Variants in CACNA1I observed in about 807,000 individuals in gnomAD.
CACNA1I encodes the protein voltage-dependent T-type calcium channel subunit alpha-1I.
Under a neutral mutation model 201.6 loss-of-function variants are expected in CACNA1I, and 74 were observed. That is an observed-to-expected ratio of 0.37 (90% CI 0.30 to 0.45). The LOEUF is 0.45. CACNA1I is among the 20% of genes least tolerant of loss of function. The probability of loss-of-function intolerance (pLI) is 1.00; values close to 1 mark genes in which losing one functional copy is unlikely to be tolerated. For missense variants in CACNA1I, 2,346 were observed against 3,138.1 expected, an observed-to-expected ratio of 0.75 and a Z score of 6.03; for synonymous variants, 1,431 against 1,345.2, an observed-to-expected ratio of 1.06 and a Z score of -1.40.
At chr22:39,574,056 T>C (rs1324982750) in intron 1 of CACNA1I, among the ~76,000 whole-genome samples, 1 of 152,170 alleles carries the variant, frequency 6.6e-6, no homozygotes, top group Non-Finnish European at 1.5e-5. Flanking sequence ...ATACGGACTC[T>C]CTTCAGGCCA....
intron 9 of CACNA1I, 26 bp downstream of exon 9, chr22:39,647,952 C>A (rs1255887318): frequency 3.1e-6 from 5 of 1,599,640 alleles, no homozygotes; most frequent in Non-Finnish European, 3.4e-6. Flanking sequence ...GGGAGGTGGG[C>A]CCTGCCCCCA....
At chr22:39,593,424 C>G (rs897944670) in intron 1 of CACNA1I, among the ~76,000 whole-genome samples, 1 of 152,148 alleles carries the variant, frequency 6.6e-6, no homozygotes, top group African/African-American at 2.4e-5. Context: ...GGCTGAGCCA[C>G]CACCTTGTGA....
At chr22:39,633,309 T>C (rs1396494646) in intron 4 of CACNA1I, among the ~76,000 whole-genome samples, 1 of 152,092 alleles carries the variant, frequency 6.6e-6, no homozygotes, top group Non-Finnish European at 1.5e-5. Flanking sequence ...TATAGCCTAG[T>C]GGAAGAGATA....
At chr22:39,605,996 G>A (rs971232145) in intron 3 of CACNA1I, among the ~76,000 whole-genome samples, 8 of 152,102 alleles carry the variant, frequency 5.3e-5, no homozygotes, top group African/African-American at 9.7e-5. Flanking sequence ...ACTCATAGCC[G>A]TCCTTCAGAA....
chr22:39,608,108 T>G lies in CACNA1I; in HGVS notation c.482+7455T>G, dbSNP rs1358756180. 3.6e-5 allele frequency among the ~76,000 whole-genome samples: 3 copies of G among 83,782 alleles called. No individual in the cohort carries two copies. In the East Asian group the frequency reaches 1.0e-3, roughly 28 times the overall value. 55.0% of individuals were successfully genotyped at this position (83,782 alleles called of 152,430 possible). On this transcript the variant is annotated intron_variant, in intron 3 of 36. Transcript: ENST00000402142. ...CCAGCCTGGGCAATGAGAGTGAAACTCCATCTCCAAAAAAAAAAAAAAAAA... is the reference window on the plus strand; with the variant it reads ...CCAGCCTGGGCAATGAGAGTGAAACGCCATCTCCAAAAAAAAAAAAAAAAA...
intron 27 of CACNA1I, 131 bp from the exon 28 acceptor site, chr22:39,672,818 A>T: frequency 1.1e-6 from 1 of 920,334 alleles, no homozygotes; most frequent in Non-Finnish European, 1.6e-6. Flanking sequence ...CTAGTAAGGG[A>T]GGGCAGCCAC....
At chr22:39,622,582 T>C (rs977877925) in intron 4 of CACNA1I, among the ~76,000 whole-genome samples, 1 of 64,110 alleles carries the variant, frequency 1.6e-5, no homozygotes, top group African/African-American at 6.2e-5. Flanking sequence ...GAAACACCCC[T>C]GGCCAGAGTG....
At chr22:39,627,608 G>A (rs777631337) in intron 4 of CACNA1I, among the ~76,000 whole-genome samples, 3 of 152,274 alleles carry the variant, frequency 2.0e-5, no homozygotes, top group Admixed American at 6.5e-5. Flanking sequence ...TTCCTTCTTG[G>A]AAGGGCCTTG....
At chr22:39,589,622 G>A (rs1475756623) in intron 1 of CACNA1I, among the ~76,000 whole-genome samples, 1 of 152,234 alleles carries the variant, frequency 6.6e-6, no homozygotes, top group African/African-American at 2.4e-5. Context: ...AGCACCCTGA[G>A]GCACAGGCCA....
At chr22:39,623,974 T>C (rs1387882462) in intron 4 of CACNA1I, among the ~76,000 whole-genome samples, 1 of 144,332 alleles carries the variant, frequency 6.9e-6, no homozygotes, top group African/African-American at 2.6e-5. Flanking sequence ...TGTGTATGTG[T>C]CAAGGGTGTG....
Position 39,598,279 on chromosome 22 carries a change from G to GC in CACNA1I, c.348+21dup. 3 of 936,130 alleles carry GC rather than the reference G, an allele frequency of 3.2e-6. No homozygotes were observed. The highest frequency in any genetic ancestry group is 3.4e-5 in the South Asian group (2 of 58,914). The allele number at this position is 936,130 out of a possible 1,614,324, so 58.0% of individuals were successfully genotyped here. Reference sequence around the variant, plus strand: ...ATCCTGCAGGTGAGCCGGCCGCCCCGCCCCGCCCCGCCCTGCCCTCATCCT... The same window carrying GC: ...ATCCTGCAGGTGAGCCGGCCGCCCCGCCCCCGCCCCGCCCTGCCCTCATCCT... On this transcript the variant is annotated intron_variant, in intron 2 of 36. Transcript: ENST00000402142.
chr22:39,639,306 C>A (rs1264381392), intron 5 of CACNA1I, among the ~76,000 whole-genome samples: 1 of 152,156 alleles, frequency 6.6e-6, no homozygotes, highest in Non-Finnish European at 1.5e-5. Flanking sequence ...TGTCTTTTTA[C>A]TTTGTATATT....
At chr22:39,606,348 C>T (rs924463030) in intron 3 of CACNA1I, among the ~76,000 whole-genome samples, 3 of 152,184 alleles carry the variant, frequency 2.0e-5, no homozygotes, top group African/African-American at 7.2e-5. Flanking sequence ...AAACTTTGCA[C>T]TTACTGCTGT....
chr22:39,627,349 G>T (rs1456875772), intron 4 of CACNA1I, among the ~76,000 whole-genome samples: 1 of 152,272 alleles, frequency 6.6e-6, no homozygotes. Context: ...GGCAGGCGGG[G>T]GGCCAGGGCA....
chr22:39,588,987 T>C (rs1331831784), intron 1 of CACNA1I, among the ~76,000 whole-genome samples: 1 of 152,246 alleles, frequency 6.6e-6, no homozygotes, highest in African/African-American at 2.4e-5. Context: ...GGGCTTCTCA[T>C]GCATGGCACT....
intron 3 of CACNA1I, among the ~76,000 whole-genome samples, chr22:39,617,552 C>T (rs1018798298): frequency 1.3e-5 from 2 of 152,174 alleles, no homozygotes; most frequent in African/African-American, 4.8e-5. Context: ...CTGGGCCCCG[C>T]GGGTGCCAGC....
Position 39,688,338 on chromosome 22 carries a change from C to T in CACNA1I, c.*1933C>T, listed in dbSNP as rs1315908611. ...GGGATGGCTCGGTCCAAGCCCAACA[C>T]TGCCCGCTCCAGAGAGCCTCAGCCC... is the stretch of plus-strand genomic sequence containing the variant. On this transcript the variant is annotated 3_prime_UTR_variant, in exon 37 of 37. Coordinates refer to ENST00000402142, the MANE Select transcript of CACNA1I (RefSeq NM_021096.4). The surrounding 1 kb of genome is among the most constrained non-coding windows in gnomAD (Gnocchi z 4.8). 6.6e-6 allele frequency: 1 copy of T among 152,332 alleles called. No homozygotes were observed. The highest frequency in any genetic ancestry group is 1.5e-5 in the Non-Finnish European group (1 of 68,116). 9.4% of individuals were successfully genotyped at this position (152,332 alleles called of 1,614,324 possible). A position where few individuals can be genotyped will look rare whatever the true frequency, so the allele number is the denominator to read the frequency against.
In CACNA1I at chr22:39,649,750, GGAA is replaced by G. The variant is rs754380452; in HGVS notation, c.1819_1821del (p.Lys607del). ...GAGGACGGAGCCTCCTCAGAACTGG[GGAA>G]GGAGGAGGAGGAGGAGGAGCAGGCG... On this transcript the variant is annotated inframe_deletion, in exon 10 of 37. Coordinates refer to ENST00000402142, the MANE Select transcript of CACNA1I (RefSeq NM_021096.4). This position sits in a 1 kb window ranked among gnomAD's most constrained non-coding sequence, Gnocchi z 7.3. 3 of 1,587,080 alleles carry G rather than the reference GGAA, an allele frequency of 1.9e-6. No individual in the cohort carries two copies. Among genetic ancestry groups the G allele is most frequent in the South Asian group, 2.3e-5 (2 of 87,456 alleles).
At chr22:39,577,195 G>A (rs112017345) in intron 1 of CACNA1I, among the ~76,000 whole-genome samples, 1,757 of 152,212 alleles carry the variant, frequency 0.012, 55 homozygotes, top group African/African-American at 0.04. Flanking sequence ...CCACCATGCC[G>A]GGCTAATTTT....
Sources: gnomAD v4.1 joint callset for allele counts (sites outside exome capture counted in the v4.1 genomes callset) on GRCh38, gnomAD v4.1.1 for gene constraint, Gnocchi (gnomAD v3.1) non-coding constraint, MANE v1.5 for transcripts, NCBI Gene and HGNC (gene_info 2026-07-23, HGNC 2026-07-21) for gene names.